The following CTTNBP2 variants were observed in gnomAD, a reference collection of about 807,000 sequenced individuals.
CTTNBP2 encodes cortactin binding protein 2.
A neutral mutation model predicts 156.9 loss-of-function variants in CTTNBP2; 108 were observed. That is an observed-to-expected ratio of 0.69 (90% confidence interval 0.59 to 0.81). CTTNBP2 has a LOEUF of 0.81. Ranked by LOEUF, CTTNBP2 falls within the 30% of genes least tolerant of loss-of-function variation. CTTNBP2 has a pLI of 0.00. For synonymous variants in CTTNBP2, 767 were observed against 751.8 expected (o/e 1.02, Z -0.33); for missense variants, 1,924 against 2,035.4 (o/e 0.95, Z 1.05).
At chr7:117,816,715 C>G (rs1380890846) in intron 2 of CTTNBP2, among the ~76,000 whole-genome samples, 1 of 152,132 alleles carries the variant, frequency 6.6e-6, no homozygotes, top group East Asian at 1.9e-4. Context: ...CTCTTAAAAT[C>G]TTACTTTGCA....
chr7:117,854,977 G>A (rs539035230), intron 2 of CTTNBP2, among the ~76,000 whole-genome samples: 1 of 152,142 alleles, frequency 6.6e-6, no homozygotes, highest in Non-Finnish European at 1.5e-5. Context: ...TAGAGATAGG[G>A]TTTCACCATG....
chr7:117,745,763 T>C, intron 14 of CTTNBP2, 68 bp downstream of exon 14: 3 of 1,037,190 alleles, frequency 2.9e-6, no homozygotes. Context: ...CAGTGTATTT[T>C]CTCTTAATGG....
At chr7:117,758,039 T>C in intron 10 of CTTNBP2, 69 bp from the exon 11 acceptor site, 3 of 1,119,608 alleles carry the variant, frequency 2.7e-6, no homozygotes, top group East Asian at 2.5e-5. Context: ...AGGGTAAACA[T>C]ATGCTCTCTT....
intron 16 of CTTNBP2, among the ~76,000 whole-genome samples, chr7:117,733,731 A>G (rs2116479512): frequency 6.6e-6 from 1 of 152,270 alleles, no homozygotes; most frequent in South Asian, 2.1e-4. Flanking sequence ...AGTGGCAGAC[A>G]CTGTTCAATG....
At chr7:117,778,860 CT>C (rs980350684) in intron 7 of CTTNBP2, among the ~76,000 whole-genome samples, 119 of 152,006 alleles carry the variant, frequency 7.8e-4, no homozygotes, top group African/African-American at 2.8e-3. Context: ...CTTGACATAC[CT>C]TTTTCATGCA....
At chr7:117,790,957 C>A (rs1008026625) in intron 4 of CTTNBP2, among the ~76,000 whole-genome samples, 171 bp downstream of exon 4, 1 of 150,764 alleles carries the variant, frequency 6.6e-6, no homozygotes, top group African/African-American at 2.4e-5. Flanking sequence ...AATCACCATA[C>A]CCTGGAGCCT....
At chr7:117,784,530 T>TAC in intron 4 of CTTNBP2, 76 bp from the exon 5 acceptor site, 3 of 1,015,320 alleles carry the variant, frequency 3.0e-6, no homozygotes, top group Non-Finnish European at 1.4e-6. Flanking sequence ...CTTTCTGAAT[T>TAC]ACACACACAC....
At chr7:117,796,895 G>A (rs562743572) in intron 3 of CTTNBP2, among the ~76,000 whole-genome samples, 1 of 152,298 alleles carries the variant, frequency 6.6e-6, no homozygotes, top group East Asian at 1.9e-4. Flanking sequence ...ATGGTTATTA[G>A]ACTAATTCTC....
chr7:117,713,501 TTA>T (rs1331315753), intron 22 of CTTNBP2, among the ~76,000 whole-genome samples: 2 of 152,326 alleles, frequency 1.3e-5, no homozygotes, highest in African/African-American at 2.4e-5. Context: ...AAATCCTCAG[TTA>T]TCTTTAGCAG....
At chr7:117,763,555 C>CTTTTTTTTTTTTTTTTTTTTTTTT (rs767309488) in intron 9 of CTTNBP2, among the ~76,000 whole-genome samples, 10 of 103,446 alleles carry the variant, frequency 9.7e-5, no homozygotes, top group Non-Finnish European at 1.3e-4. Flanking sequence ...TCTTCTTCTT[C>CTTTTTTTTTTTTTTTTTTTTTTTT]TTTTTTTTTT....
intron 2 of CTTNBP2, among the ~76,000 whole-genome samples, chr7:117,856,191 G>A (rs1214779998): frequency 6.6e-6 from 1 of 152,118 alleles, no homozygotes. Flanking sequence ...AGGTCTCACC[G>A]ATACACCTGT....
Position 117,718,652 on chromosome 7 carries a change from A to G in CTTNBP2, c.4645-533T>C, listed in dbSNP as rs541397538. 3.3e-5 allele frequency among the ~76,000 whole-genome samples: 5 copies of G among 152,334 alleles called. No individual in the cohort carries two copies. In the East Asian group the frequency reaches 9.6e-4, roughly 29 times the overall value. On this transcript the variant is annotated intron_variant, in intron 21 of 22. Transcript: ENST00000160373. ...AAACAGGTTGAACTTGATGCTGTCC[A>G]TGTTTTCTGTGAGATTTCAGGTCAC...
At chr7:117,811,301 C>T (rs1423249961) in intron 2 of CTTNBP2, among the ~76,000 whole-genome samples, 2 of 151,980 alleles carry the variant, frequency 1.3e-5, no homozygotes, top group African/African-American at 4.8e-5. Flanking sequence ...TTTTTACACC[C>T]CCACCCCTCC....
intron 2 of CTTNBP2, among the ~76,000 whole-genome samples, chr7:117,850,128 A>C (rs1409028171): frequency 6.6e-6 from 1 of 152,006 alleles, no homozygotes; most frequent in African/African-American, 2.4e-5. Context: ...CCAATTCTTC[A>C]ACATTTCTCC....
chr7:117,836,866 G>A (rs766718820), intron 2 of CTTNBP2, among the ~76,000 whole-genome samples: 3 of 152,154 alleles, frequency 2.0e-5, no homozygotes, highest in Admixed American at 6.5e-5. Flanking sequence ...ACTACCAGGA[G>A]AACAGTATGG....
At chr7:117,800,654 G>A (rs1024533645) in intron 3 of CTTNBP2, among the ~76,000 whole-genome samples, 53 of 152,108 alleles carry the variant, frequency 3.5e-4, no homozygotes, top group African/African-American at 1.2e-3. Flanking sequence ...AGTGAAAATC[G>A]GGTTTCTCAC....
chr7:117,743,096 G>C (rs1796105392), intron 14 of CTTNBP2, among the ~76,000 whole-genome samples: 1 of 152,238 alleles, frequency 6.6e-6, no homozygotes, highest in Non-Finnish European at 1.5e-5. Flanking sequence ...TGGGAAATTA[G>C]GAAGAGCAGC....
At chr7:117,828,752 A>G (rs1052015143) in intron 2 of CTTNBP2, among the ~76,000 whole-genome samples, 6 of 152,200 alleles carry the variant, frequency 3.9e-5, no homozygotes, top group Non-Finnish European at 8.8e-5. Context: ...AGAACTGTCT[A>G]TGTGTATACA....
intron 20 of CTTNBP2, among the ~76,000 whole-genome samples, chr7:117,720,338 A>G (rs1018212986): frequency 1.1e-4 from 17 of 152,168 alleles, no homozygotes; most frequent in African/African-American, 4.1e-4. Context: ...TGTCCAAATC[A>G]TCCTTTATAC....
Sources: gnomAD v4.1 joint callset for allele counts (sites outside exome capture counted in the v4.1 genomes callset) on GRCh38, gnomAD v4.1.1 for gene constraint, MANE v1.5 for transcripts, NCBI Gene and HGNC (gene_info 2026-07-23, HGNC 2026-07-21) for gene names.